XXYLT1: variants seen among roughly 807,000 people sequenced by gnomAD.
The protein encoded by XXYLT1 is UDP-xylose:alpha-xyloside alpha-1,3-xylosyltransferase.
A neutral mutation model predicts 28.9 loss-of-function variants in XXYLT1; 20 were observed. The ratio of observed to expected loss-of-function variants is 0.69; its 90% CI spans 0.49 to 1.00. The LOEUF (loss-of-function observed/expected upper bound fraction) is 1.00, where lower values mean the gene tolerates loss of function less well. Ranked by LOEUF, XXYLT1 falls within the 50% of genes least tolerant of loss-of-function variation. XXYLT1 has a pLI of 0.00. For synonymous variants in XXYLT1, 257 were observed against 253.8 expected, an observed-to-expected ratio of 1.01 and a Z score of -0.12; for missense variants, 542 against 560.1, an observed-to-expected ratio of 0.97 and a Z score of 0.33.
At chr3:195,164,008 T>A (rs1480306652) in intron 2 of XXYLT1, among the ~76,000 whole-genome samples, 1 of 152,280 alleles carries the variant, frequency 6.6e-6, no homozygotes, top group Non-Finnish European at 1.5e-5. Context: ...AATTTAGTCA[T>A]GTGACGACAC....
At chr3:195,128,246 T>G (rs1206557324) in intron 3 of XXYLT1, among the ~76,000 whole-genome samples, 2 of 152,154 alleles carry the variant, frequency 1.3e-5, no homozygotes, top group Non-Finnish European at 1.5e-5. Context: ...GACAAACGCC[T>G]GCACATCCCT....
At chr3:195,196,870 T>TA (rs56806324) in intron 2 of XXYLT1, among the ~76,000 whole-genome samples, 1,998 of 146,310 alleles carry the variant, frequency 0.014, 23 homozygotes, top group Middle Eastern at 0.049. Flanking sequence ...TCACTTCCTT[T>TA]AAAAAAAAAA....
intron 3 of XXYLT1, among the ~76,000 whole-genome samples, chr3:195,152,081 T>C (rs1720301969): frequency 6.6e-6 from 1 of 152,240 alleles, no homozygotes; most frequent in South Asian, 2.1e-4. Context: ...AATTCACTTC[T>C]GAGTACGACC....
rs143608420 is a variant in XXYLT1 at position 195,077,868 on chromosome 3, C to A, written c.786-7757G>T. On this transcript the variant is annotated intron_variant, in intron 3 of 3. Transcript: ENST00000310380. The surrounding 1 kb of genome is among the most constrained non-coding windows in gnomAD (Gnocchi z 4.8). Reference sequence around the variant, plus strand: ...CTCGAAGGCTTCTCCTGGCCCTCCGCTCCCCGTGCCCAGCCTGCCTGGGGT... The same window carrying A: ...CTCGAAGGCTTCTCCTGGCCCTCCGATCCCCGTGCCCAGCCTGCCTGGGGT... Among the ~76,000 whole-genome samples, 4 of 152,290 alleles carry A rather than the reference C, an allele frequency of 2.6e-5. No homozygotes were observed. The South Asian group carries it at 8.3e-4, about 32-fold the overall frequency.
chr3:195,110,696 GCAT>G (rs1465175143), intron 3 of XXYLT1, among the ~76,000 whole-genome samples: 20 of 130,354 alleles, frequency 1.5e-4, no homozygotes, highest in South Asian at 2.5e-4. Context: ...CTGTATGTGT[GCAT>G]GTGTGTGGTG....
In XXYLT1 at chr3:195,172,740, G is replaced by A. The variant is rs556389186; in HGVS notation, c.653-16159C>T. ...TGACATTGTGAGAGCTACTGGCATC[G>A]GATAGTCAGGGAAGGGCTTTTCAAA... On this transcript the variant is annotated intron_variant, in intron 2 of 3. Coordinates refer to ENST00000310380, the MANE Select transcript of XXYLT1 (RefSeq NM_152531.5). 5.9e-5 allele frequency among the ~76,000 whole-genome samples: 9 copies of A among 152,284 alleles called. No individual in the cohort carries two copies. In the East Asian group the frequency reaches 7.7e-4, roughly 13 times the overall value.
chr3:195,201,350 T>G (rs1722841454), intron 2 of XXYLT1, among the ~76,000 whole-genome samples: 1 of 152,200 alleles, frequency 6.6e-6, no homozygotes, highest in Admixed American at 6.5e-5. Flanking sequence ...CAGCACACAC[T>G]TTTAACCCTT....
chr3:195,089,670 A>G (rs1157417208), intron 3 of XXYLT1, among the ~76,000 whole-genome samples: 2 of 152,072 alleles, frequency 1.3e-5, no homozygotes, highest in African/African-American at 4.8e-5. Context: ...AAATTCACAC[A>G]TAACAATATT....
At chr3:195,260,163 A>C (rs1577207524) in intron 1 of XXYLT1, 1 of 151,140 alleles carries the variant, frequency 6.6e-6, no homozygotes, top group African/African-American at 2.4e-5. Context: ...AGCCGCGCGC[A>C]CCTCGCCGGC....
At chr3:195,202,441 GAATA>G (rs1354878590) in intron 2 of XXYLT1, among the ~76,000 whole-genome samples, 1 of 145,512 alleles carries the variant, frequency 6.9e-6, no homozygotes, top group Non-Finnish European at 1.5e-5. Context: ...TAACCTGATA[GAATA>G]ATTAACAAAT....
chr3:195,161,747 G>C (rs1577095332), intron 2 of XXYLT1, among the ~76,000 whole-genome samples: 1 of 149,974 alleles, frequency 6.7e-6, no homozygotes. Flanking sequence ...CAATTCTCCT[G>C]CCTCAGCCTC....
intron 1 of XXYLT1, chr3:195,270,031 GAC>G (rs1560185351): frequency 5.1e-6 from 1 of 195,130 alleles, no homozygotes; most frequent in Non-Finnish European, 1.1e-5. Context: ...GGGAAAAAGG[GAC>G]ACAGAGAGGA....
chr3:195,174,311 T>G (rs1380786988), intron 2 of XXYLT1, among the ~76,000 whole-genome samples: 1 of 152,092 alleles, frequency 6.6e-6, no homozygotes, highest in Non-Finnish European at 1.5e-5. Context: ...CTACTCTTTT[T>G]CTTCTTAGGA....
chr3:195,232,525 A>G (rs1724346396), intron 1 of XXYLT1, among the ~76,000 whole-genome samples: 1 of 152,140 alleles, frequency 6.6e-6, no homozygotes, highest in African/African-American at 2.4e-5. Flanking sequence ...ATTTATAGCC[A>G]TAAACTTCTC....
rs1313629423 is a variant in XXYLT1 at position 195,240,375 on chromosome 3, C to T, written c.505-13519G>A. The stretch of plus-strand genomic sequence containing the variant: ...CCACCCAGCCCTGTGCTCGCTGGCA[C>T]TGAGATGCCTGAGAGCCAGGCCACC... On this transcript the variant is annotated intron_variant, in intron 1 of 3. Coordinates refer to ENST00000310380, the MANE Select transcript of XXYLT1 (RefSeq NM_152531.5). The surrounding 1 kb of genome is among the most constrained non-coding windows in gnomAD (Gnocchi z 4.7). 6.6e-6 allele frequency among the ~76,000 whole-genome samples: 1 copy of T among 152,250 alleles called. No individual in the cohort carries two copies. The highest frequency in any genetic ancestry group is 2.4e-5 in the African/African-American group (1 of 41,464).
chr3:195,082,109 C>G (rs1715467142), intron 3 of XXYLT1, among the ~76,000 whole-genome samples: 1 of 145,734 alleles, frequency 6.9e-6, no homozygotes, highest in East Asian at 1.9e-4. Flanking sequence ...AAACTCACTT[C>G]TATGTATTGA....
intron 1 of XXYLT1, among the ~76,000 whole-genome samples, chr3:195,247,075 A>G (rs1224661972): frequency 6.6e-6 from 1 of 152,078 alleles, no homozygotes; most frequent in Non-Finnish European, 1.5e-5. Flanking sequence ...TCTATAAATC[A>G]TGTTTTGCTT....
chr3:195,102,102 GA>G (rs1452826096), intron 3 of XXYLT1, among the ~76,000 whole-genome samples: 8 of 148,846 alleles, frequency 5.4e-5, no homozygotes, highest in South Asian at 2.2e-4. Flanking sequence ...AGGGGAGGGG[GA>G]AAAAGAGAAT....
In XXYLT1 at chr3:195,119,875, A is replaced by G. The variant is rs1170138888; in HGVS notation, c.785+36574T>C. On this transcript the variant is annotated intron_variant, in intron 3 of 3. Coordinates refer to ENST00000310380, the MANE Select transcript of XXYLT1 (RefSeq NM_152531.5). ...GGGAGCCTGTTCTGCAGTTGAAACA[A>G]CAAGGTCAAGGGGTTTGTGGCTGAA... 2.0e-5 allele frequency among the ~76,000 whole-genome samples: 3 copies of G among 149,712 alleles called. No homozygotes were observed. In the East Asian group the frequency reaches 6.1e-4, roughly 30 times the overall value.
Sources: allele counts gnomAD v4.1 joint callset (sites outside exome capture counted in the v4.1 genomes callset), GRCh38; gene constraint gnomAD v4.1.1; non-coding constraint Gnocchi (gnomAD v3.1); transcripts MANE v1.5; gene names NCBI Gene and HGNC (gene_info 2026-07-23, HGNC 2026-07-21).